The following NBPF6 variants were observed in gnomAD, a reference collection of about 807,000 sequenced individuals.
NBPF6 encodes the protein NBPF family member NBPF6.
Under a neutral mutation model 20.8 loss-of-function variants are expected in NBPF6, and 2 were observed. The ratio of observed to expected loss-of-function variants is 0.10; its 90% confidence interval spans 0.04 to 0.30. The LOEUF (loss-of-function observed/expected upper bound fraction) is 0.30. Ranked by LOEUF, NBPF6 falls within the 10% of genes least tolerant of loss-of-function variation. The pLI is 1.00. For synonymous variants in NBPF6, 24 were observed against 100.0 expected, an observed-to-expected ratio of 0.24 and a Z score of 4.53; for missense variants, 85 against 260.3, an observed-to-expected ratio of 0.33 and a Z score of 4.63.
At chr1:108,435,749 G>T in the NBPF6 span, among the ~76,000 whole-genome samples, 1 of 54,354 alleles carries the variant, frequency 1.8e-5, no homozygotes, top group East Asian at 8.2e-4. Context: ...CTGAATATAG[G>T]TTGGGACGTT....
intron 9 of NBPF6, among the ~76,000 whole-genome samples, chr1:108,459,512 C>A (rs1325810210): frequency 1.3e-5 from 2 of 149,542 alleles, no homozygotes; most frequent in African/African-American, 4.9e-5. Context: ...AGAAAGAGGA[C>A]TTGATGCCAT....
In NBPF6 at chr1:108,470,620, G is replaced by A. The variant is rs1653408215; in HGVS notation, c.1899G>A (p.Met633Ile). The change falls in exon 15 of 15, where the codon ATG (methionine) becomes ATA (isoleucine). Residue 633 changes from methionine (M) to isoleucine (I), a missense_variant. Physicochemically the swap from Met to Ile is conservative, Grantham distance 10 (BLOSUM62 1). Coordinates refer to ENST00000495380, the MANE Select transcript of NBPF6 (RefSeq NM_001143988.2). ...AGATACCAAATACTGCTGAAAGGAT[G>A]CAAAGGATGATAGGATGAAAGAATG... ...SAEIPNTAERMQRMIG is the reference protein window; with the variant it reads ...SAEIPNTAERIQRMIG The A allele has an allele frequency of 1.3e-6, 2 of 1,556,012 alleles. No homozygotes were observed. Among genetic ancestry groups the A allele is most frequent in the East Asian group, 4.9e-5 (2 of 41,138 alleles).
At chr1:108,467,893 T>C (rs1191401728) in intron 14 of NBPF6, among the ~76,000 whole-genome samples, 1 of 150,696 alleles carries the variant, frequency 6.6e-6, no homozygotes, top group East Asian at 1.9e-4. Flanking sequence ...TCTACTGTCT[T>C]GAGAGTCCCT....
the NBPF6 span, among the ~76,000 whole-genome samples, chr1:108,437,826 A>C: frequency 6.6e-5 from 1 of 15,236 alleles, no homozygotes. Context: ...AGGGCAGGGG[A>C]GGGGAGGGGA....
At chr1:108,468,040 T>C (rs570645337) in intron 14 of NBPF6, among the ~76,000 whole-genome samples, 1 of 151,308 alleles carries the variant, frequency 6.6e-6, no homozygotes, top group East Asian at 1.9e-4. Context: ...CCCAACTCCA[T>C]TGCCTCTTTG....
At chr1:108,467,791 G>T (rs1171015983) in intron 14 of NBPF6, 126 bp downstream of exon 14, 2 of 1,038,666 alleles carry the variant, frequency 1.9e-6, no homozygotes, top group African/African-American at 1.7e-5. Context: ...CCTCTGTCTG[G>T]TCTTAGCTCT....
Position 108,469,475 on chromosome 1 carries a change from G to T in NBPF6, c.1876-1122G>T, listed in dbSNP as rs977132777. ...TAAGACTGAAATGCTGCAAGAGATT[G>T]TATATGAATACTTCTTCATGCCTCT... On this transcript the variant is annotated intron_variant, in intron 14 of 14. Coordinates refer to ENST00000495380, the MANE Select transcript of NBPF6 (RefSeq NM_001143988.2). Among the ~76,000 whole-genome samples, 9 of 151,138 alleles carry T rather than the reference G, an allele frequency of 6.0e-5. 1 individual carries two copies. Among genetic ancestry groups the T allele is most frequent in the African/African-American group, 2.2e-4 (9 of 40,836 alleles).
At chr1:108,459,588 A>C (rs1653044057) in intron 9 of NBPF6, among the ~76,000 whole-genome samples, 1 of 115,890 alleles carries the variant, frequency 8.6e-6, no homozygotes, top group African/African-American at 3.1e-5. Flanking sequence ...ATAAAATTTA[A>C]CATCATTTAA....
At chr1:108,437,817 G>A in the NBPF6 span, among the ~76,000 whole-genome samples, 290 of 26,914 alleles carry the variant, frequency 0.011, 7 homozygotes, top group African/African-American at 0.024. Flanking sequence ...AGGAGAGGGA[G>A]GGCAGGGGAG....
upstream of NBPF6, among the ~76,000 whole-genome samples, chr1:108,449,456 ATATATC>A (rs1371331785): frequency 2.9e-4 from 3 of 10,194 alleles, no homozygotes; most frequent in Non-Finnish European, 4.9e-4. Flanking sequence ...ATATATATAT[ATATATC>A]TCCAACAATA....
rs1321477873 is a variant in NBPF6, at chr1:108,470,601, C to A, written c.1880C>A (p.Pro627Gln). ...AGPHAESAEI[P>Q]NTAERMQRMI... ...TTTTCTCTCTCTCCCCTACAGATAC[C>A]AAATACTGCTGAAAGGATGCAAAGG... The change falls in exon 15 of 15, where the codon CCA (proline) becomes CAA (glutamine). Residue 627 changes from proline (P) to glutamine (Q), a missense_variant. Transcript: ENST00000495380. 3.2e-6 allele frequency: 5 copies of A among 1,552,442 alleles called. No homozygotes were observed. The Admixed American group carries it at 7.8e-5, about 24-fold the overall frequency.
chr1:108,435,833 C>CCA, the NBPF6 span, among the ~76,000 whole-genome samples: 2 of 35,234 alleles, frequency 5.7e-5, no homozygotes, highest in Non-Finnish European at 1.6e-4. Context: ...ATACGCAGGA[C>CCA]CCCCCCCCGA....
chr1:108,442,483 T>G, the NBPF6 span, among the ~76,000 whole-genome samples: 1 of 152,266 alleles, frequency 6.6e-6, no homozygotes, highest in Non-Finnish European at 1.5e-5. Context: ...TTGGAAATTA[T>G]GTATCCGATA....
At chr1:108,436,592 CAAAAA>C in the NBPF6 span, among the ~76,000 whole-genome samples, 4 of 16,348 alleles carry the variant, frequency 2.4e-4, no homozygotes, top group East Asian at 2.3e-3. Flanking sequence ...GGCTCTGTCT[CAAAAA>C]AAAAAAAAAA....
rs1286278303 is a variant in NBPF6 at position 108,471,463 on chromosome 1, A to G, written c.*825A>G. ...GTGATACTAGGATGTTCACTTGGTC[A>G]AGGAGGGGTCTAGGAGCTCTGTCCC... is the stretch of plus-strand genomic sequence containing the variant. On this transcript the variant is annotated 3_prime_UTR_variant, in exon 15 of 15. Transcript: ENST00000495380. 1.3e-5 allele frequency among the ~76,000 whole-genome samples: 2 copies of G among 152,202 alleles called. No homozygotes were observed. The highest frequency in any genetic ancestry group is 4.8e-5 in the African/African-American group (2 of 41,462).
intron 10 of NBPF6, among the ~76,000 whole-genome samples, chr1:108,460,585 A>G (rs1158045356): frequency 8.7e-6 from 1 of 114,942 alleles, no homozygotes; most frequent in African/African-American, 4.4e-5. Flanking sequence ...CTTTGATGTT[A>G]TCCTGTTTTA....
At chr1:108,468,085 G>A (rs899929333) in intron 14 of NBPF6, among the ~76,000 whole-genome samples, 5 of 151,096 alleles carry the variant, frequency 3.3e-5, no homozygotes, top group South Asian at 2.1e-4. Context: ...TCATTTACAC[G>A]AAGATTTTCC....
At chr1:108,435,783 A>C in the NBPF6 span, among the ~76,000 whole-genome samples, 1 of 57,958 alleles carries the variant, frequency 1.7e-5, no homozygotes, top group African/African-American at 4.6e-5. Context: ...CTGATGATAA[A>C]GCTCCAAGTA....
At chr1:108,468,121 A>G (rs1183069530) in intron 14 of NBPF6, among the ~76,000 whole-genome samples, 1 of 151,294 alleles carries the variant, frequency 6.6e-6, no homozygotes, top group Non-Finnish European at 1.5e-5. Context: ...TGAGCAACAC[A>G]ACTAATTCAA....
Sources: allele counts gnomAD v4.1 joint callset (sites outside exome capture counted in the v4.1 genomes callset), GRCh38; gene constraint gnomAD v4.1.1; transcripts MANE v1.5; gene names NCBI Gene and HGNC (gene_info 2026-07-23, HGNC 2026-07-21).